The following ADGRG2 variants were observed in gnomAD, a reference collection of about 807,000 sequenced individuals.
The protein encoded by ADGRG2 is G protein-coupled receptor 64.
In ADGRG2, 26 loss-of-function variants were observed where a neutral mutation model predicts 74.1. That is an observed-to-expected ratio of 0.35 (90% CI 0.26 to 0.49). The LOEUF (loss-of-function observed/expected upper bound fraction) is 0.49, where lower values mean the gene tolerates loss of function less well. Among genes scored for constraint, ADGRG2 ranks in the 20% least tolerant of loss-of-function variants. The pLI is 0.99. For missense variants in ADGRG2, 619 were observed against 763.1 expected (o/e 0.81, Z 2.22); for synonymous variants, 296 against 295.2 (o/e 1.00, Z -0.03).
intron 1 of ADGRG2, among the ~76,000 whole-genome samples, chrX:19,093,056 A>T (rs1487782689): frequency 9.0e-6 from 1 of 111,563 alleles, no homozygotes; most frequent in Non-Finnish European, 1.9e-5. Flanking sequence ...AGAAAAGGGG[A>T]TCGTGTTTTA....
rs765976422 is a variant in ADGRG2 at position 19,041,976 on chromosome X, AT to A, written c.119-1753del. 7.5e-4 allele frequency among the ~76,000 whole-genome samples: 83 copies of A among 110,154 alleles called. No individual in the cohort carries two copies. The East Asian group carries it at 0.016, about 22-fold the overall frequency. On this transcript the variant is annotated intron_variant, in intron 3 of 28. Coordinates refer to ENST00000379869, the MANE Select transcript of ADGRG2 (RefSeq NM_001079858.3). ...AGGTACGCACCACCACACCTGGCTA[AT>A]TTTTTTATTTTATTTTTTGTGGAGA...
chrX:19,115,149 C>T (rs1460108897), intron 1 of ADGRG2, among the ~76,000 whole-genome samples: 1 of 111,616 alleles, frequency 9.0e-6, no homozygotes, highest in Non-Finnish European at 1.9e-5. Flanking sequence ...GAAATTTCCA[C>T]ACTAACATTG....
At chrX:19,038,382 G>C (rs186283829) in intron 4 of ADGRG2, among the ~76,000 whole-genome samples, 1 of 111,789 alleles carries the variant, frequency 8.9e-6, no homozygotes, top group Non-Finnish European at 1.9e-5. Context: ...AGGCACTTTG[G>C]CTGGCCTGCT....
intron 2 of ADGRG2, among the ~76,000 whole-genome samples, chrX:19,075,476 G>C (rs1264515125): frequency 9.2e-6 from 1 of 108,707 alleles, no homozygotes; most frequent in Non-Finnish European, 1.9e-5. Flanking sequence ...AGATTAGCCA[G>C]GTGTGGTGGC....
chrX:19,027,058 T>C (rs2060720554), intron 11 of ADGRG2, among the ~76,000 whole-genome samples, 161 bp downstream of exon 11: 1 of 112,332 alleles, frequency 8.9e-6, no homozygotes, highest in Non-Finnish European at 1.9e-5. Flanking sequence ...TAATAGTTGA[T>C]GTGATTATGG....
chrX:19,106,910 ACT>A (rs1447972477), intron 1 of ADGRG2, among the ~76,000 whole-genome samples: 1 of 105,398 alleles, frequency 9.5e-6, no homozygotes, highest in Non-Finnish European at 1.9e-5. Flanking sequence ...ACAGAGTGAG[ACT>A]CTGTCTCAAA....
At chrX:19,000,880 G>T (rs2146515795) in intron 24 of ADGRG2, among the ~76,000 whole-genome samples, 1 of 108,733 alleles carries the variant, frequency 9.2e-6, no homozygotes, top group East Asian at 2.9e-4. Context: ...GATTACAGGT[G>T]TGCACCACCA....
chrX:19,065,377 C>T (rs144494230), intron 3 of ADGRG2, among the ~76,000 whole-genome samples: 1,424 of 108,453 alleles, frequency 0.013, 27 homozygotes, highest in African/African-American at 0.046. Flanking sequence ...TTCTGAGAGA[C>T]AGGTGATGCC....
At chrX:18,993,687 GAA>G (rs139677355) in intron 28 of ADGRG2, among the ~76,000 whole-genome samples, 824 of 64,089 alleles carry the variant, frequency 0.013, 1 homozygote, top group Middle Eastern at 0.028. Flanking sequence ...TAAAAAAAAA[GAA>G]AAAAAAAAAA....
chrX:19,116,202 G>A (rs1343585203), intron 1 of ADGRG2, among the ~76,000 whole-genome samples: 1 of 107,250 alleles, frequency 9.3e-6, no homozygotes, highest in Non-Finnish European at 1.9e-5. Flanking sequence ...GCAAAAGAAC[G>A]AGATCCTGTC....
rs150271417 is a variant in ADGRG2, at chrX:19,027,745, T to A, written c.414+438A>T. Among the ~76,000 whole-genome samples, 28 of 112,505 alleles carry A rather than the reference T, an allele frequency of 2.5e-4. 1 individual carries two copies. The East Asian group carries it at 7.8e-3, about 31-fold the overall frequency. ...TAGGTGCTCAGAAATAGTCATCGAATGAATGAACCACATTTGGCCATCCTC... is the reference window on the plus strand; with the variant it reads ...TAGGTGCTCAGAAATAGTCATCGAAAGAATGAACCACATTTGGCCATCCTC... On this transcript the variant is annotated intron_variant, in intron 10 of 28. Transcript: ENST00000379869.
chrX:19,060,081 G>A (rs1216147689), intron 3 of ADGRG2, among the ~76,000 whole-genome samples: 4 of 111,861 alleles, frequency 3.6e-5, no homozygotes, highest in Non-Finnish European at 5.6e-5. Flanking sequence ...GCAGTGATCC[G>A]AGATCGCGCC....
At chrX:19,097,808 C>G (rs746299148) in intron 1 of ADGRG2, among the ~76,000 whole-genome samples, 38 of 112,489 alleles carry the variant, frequency 3.4e-4, no homozygotes, top group Admixed American at 3.0e-3. Flanking sequence ...GTGCTAGGCA[C>G]TACGGGAGGT....
chrX:19,014,727 G>C (rs1264076782), intron 15 of ADGRG2, among the ~76,000 whole-genome samples: 2 of 111,282 alleles, frequency 1.8e-5, no homozygotes, highest in Non-Finnish European at 3.8e-5. Context: ...CCGCCTCCTG[G>C]GTTCAAGTGA....
chrX:19,055,272 A>G (rs868195960), intron 3 of ADGRG2, among the ~76,000 whole-genome samples: 260 of 90,378 alleles, frequency 2.9e-3, no homozygotes, highest in South Asian at 0.013. Context: ...GTGTGTGTGT[A>G]TGTGTGTGTG....
intron 1 of ADGRG2, among the ~76,000 whole-genome samples, chrX:19,107,113 C>T (rs931690904): frequency 1.6e-4 from 18 of 111,398 alleles, no homozygotes; most frequent in African/African-American, 5.9e-4. Context: ...TCTAAAGCTT[C>T]GCTACTCAAA....
Position 19,021,180 on chromosome X carries a change from G to A in ADGRG2, c.567C>T (p.Phe189=). Residue 189 remains phenylalanine, a synonymous_variant, in exon 14 of 29, where the codon TTC becomes TTT. Coordinates refer to ENST00000379869, the MANE Select transcript of ADGRG2 (RefSeq NM_001079858.3). ...TCATTGTATTATTCAGTTTTATTGT[G>A]AATGTACAATTTAATGTGCTGTAAG... The part of the protein sequence containing the change: ...AEAQSTLNCT[F]TIKLNNTMNA... 9.6e-7 allele frequency: 1 copy of A among 1,041,992 alleles called. No individual in the cohort carries two copies. The highest frequency in any genetic ancestry group is 1.3e-6 in the Non-Finnish European group (1 of 742,265). The allele number at this position is 1,041,992 out of a possible 1,213,427, so 85.9% of individuals were successfully genotyped here. A position where few individuals can be genotyped will look rare whatever the true frequency, so the allele number is the denominator to read the frequency against.
chrX:19,116,141 G>A (rs554932908), intron 1 of ADGRG2, among the ~76,000 whole-genome samples: 2 of 108,715 alleles, frequency 1.8e-5, no homozygotes, highest in Non-Finnish European at 3.8e-5. Flanking sequence ...CTTAAGCACC[G>A]AAGGTTGAGG....
intron 19 of ADGRG2, among the ~76,000 whole-genome samples, chrX:19,007,658 G>C (rs59729066): frequency 0.044 from 4,942 of 111,812 alleles, 182 homozygotes; most frequent in African/African-American, 0.13. Flanking sequence ...GTCACTTAAC[G>C]TCTCTCTGCG....
Sources: gnomAD v4.1 joint callset for allele counts (sites outside exome capture counted in the v4.1 genomes callset) on GRCh38, gnomAD v4.1.1 for gene constraint, MANE v1.5 for transcripts, NCBI Gene and HGNC (gene_info 2026-07-23, HGNC 2026-07-21) for gene names.